TCERG1L: variants seen among roughly 807,000 people sequenced by gnomAD.
TCERG1L encodes the protein transcription elongation regulator 1-like protein.
In TCERG1L, 37 loss-of-function variants were observed where a neutral mutation model predicts 56.3. That is an observed-to-expected ratio of 0.66 (90% confidence interval 0.51 to 0.87). The LOEUF (loss-of-function observed/expected upper bound fraction) is 0.87, where lower values mean the gene tolerates loss of function less well. Among genes scored for constraint, TCERG1L ranks in the 40% least tolerant of loss-of-function variants. TCERG1L has a pLI of 0.00. For synonymous variants in TCERG1L, 324 were observed against 326.3 expected (o/e 0.99, Z 0.08); for missense variants, 799 against 774.2 (o/e 1.03, Z -0.38).
At chr10:131,272,072 G>A (rs1330349697) in intron 3 of TCERG1L, among the ~76,000 whole-genome samples, 5 of 152,136 alleles carry the variant, frequency 3.3e-5, no homozygotes, top group African/African-American at 1.2e-4. Flanking sequence ...GCAGGCACAC[G>A]GGGCTCTGAC....
chr10:131,130,641 T>A (rs1386771518), intron 8 of TCERG1L, among the ~76,000 whole-genome samples: 1 of 152,216 alleles, frequency 6.6e-6, no homozygotes, highest in Non-Finnish European at 1.5e-5. Context: ...TCATTTCTCA[T>A]AATACAGAAC....
At chr10:131,301,166 T>C (rs1243345001) in intron 3 of TCERG1L, among the ~76,000 whole-genome samples, 3 of 151,994 alleles carry the variant, frequency 2.0e-5, no homozygotes, top group African/African-American at 7.3e-5. Context: ...TGGGAAGAAA[T>C]CCTTGTCAAT....
chr10:131,139,568 T>C (rs1486518926), intron 7 of TCERG1L, among the ~76,000 whole-genome samples: 1 of 152,204 alleles, frequency 6.6e-6, no homozygotes, highest in Admixed American at 6.5e-5. Context: ...AACATGTTTG[T>C]GCAGCAGCAT....
At chr10:131,218,118 G>C (rs78234143) in intron 4 of TCERG1L, among the ~76,000 whole-genome samples, 4 of 152,158 alleles carry the variant, frequency 2.6e-5, no homozygotes, top group Non-Finnish European at 2.9e-5. Flanking sequence ...GTTGGACACA[G>C]CCCATTTTTT....
rs1845297726 is a variant in TCERG1L, at chr10:131,191,253, C to T, written c.857-24368G>A. ...TAGATGACTCAAACTAATGAAAACA[C>T]ATCCCATGCTCATGGATTGGAAGAA... is the stretch of plus-strand genomic sequence containing the variant. On this transcript the variant is annotated intron_variant, in intron 4 of 11. Coordinates refer to ENST00000368642, the MANE Select transcript of TCERG1L (RefSeq NM_174937.4). 1.4e-5 allele frequency among the ~76,000 whole-genome samples: 2 copies of T among 144,190 alleles called. 1 individual carries two copies. Among genetic ancestry groups the T allele is most frequent in the African/African-American group, 5.2e-5 (2 of 38,282 alleles). 94.6% of individuals were successfully genotyped at this position (144,190 alleles called of 152,430 possible). A position where few individuals can be genotyped will look rare whatever the true frequency, so the allele number is the denominator to read the frequency against.
At chr10:131,135,405 G>A (rs1009341700) in intron 7 of TCERG1L, among the ~76,000 whole-genome samples, 1 of 152,198 alleles carries the variant, frequency 6.6e-6, no homozygotes, top group African/African-American at 2.4e-5. Flanking sequence ...TGAGCCCAGA[G>A]TTGATGAGAA....
Position 131,291,046 on chromosome 10 carries a change from C to G in TCERG1L, c.670+17165G>C, listed in dbSNP as rs562141388. On this transcript the variant is annotated intron_variant, in intron 3 of 11. Transcript: ENST00000368642. ...GAGGCAATGTGTTCTGATATCTGTG[C>G]TAATTTAAGGAGAACATTCCACTTG... Among the ~76,000 whole-genome samples, 243 of 152,268 alleles carry G rather than the reference C, an allele frequency of 1.6e-3. 9 individuals carry two copies. The South Asian group carries it at 0.047, about 29-fold the overall frequency.
chr10:131,174,395 G>A (rs1414507993), intron 4 of TCERG1L, among the ~76,000 whole-genome samples: 2 of 152,166 alleles, frequency 1.3e-5, no homozygotes, highest in Non-Finnish European at 2.9e-5. Flanking sequence ...GCCCTGCTCA[G>A]TAGGCCAGGA....
intron 6 of TCERG1L, among the ~76,000 whole-genome samples, chr10:131,153,005 GATTACA>G (rs1845882018): frequency 6.6e-6 from 1 of 152,158 alleles, no homozygotes; most frequent in Non-Finnish European, 1.5e-5. Flanking sequence ...GGATTATGGG[GATTACA>G]ATTCGAGGTA....
At chr10:131,120,619 C>T (rs1478875335) in intron 8 of TCERG1L, among the ~76,000 whole-genome samples, 1 of 152,248 alleles carries the variant, frequency 6.6e-6, no homozygotes, top group Admixed American at 6.5e-5. Context: ...CCCTCATAGG[C>T]TGACACCCAG....
chr10:131,251,578 G>C (rs990275504), intron 4 of TCERG1L, among the ~76,000 whole-genome samples: 4 of 152,096 alleles, frequency 2.6e-5, no homozygotes, highest in African/African-American at 9.7e-5. Context: ...ATATCCGGTC[G>C]CTGGAAAGGC....
chr10:131,108,384 G>T (rs1361431262), intron 9 of TCERG1L, among the ~76,000 whole-genome samples: 8 of 151,992 alleles, frequency 5.3e-5, no homozygotes, highest in Admixed American at 5.2e-4. Context: ...GGTCCTGGGG[G>T]ACTGGTTCAC....
chr10:131,285,639 G>A (rs77688745), intron 3 of TCERG1L, among the ~76,000 whole-genome samples: 7,900 of 146,076 alleles, frequency 0.054, 190 homozygotes, highest in African/African-American at 0.079. Flanking sequence ...GACGCTAAAC[G>A]CTGTAATAGA....
At chr10:131,225,039 T>C (rs1329885689) in intron 4 of TCERG1L, among the ~76,000 whole-genome samples, 1 of 152,126 alleles carries the variant, frequency 6.6e-6, no homozygotes, top group Non-Finnish European at 1.5e-5. Flanking sequence ...CGTGGATGTG[T>C]TGACTGAGAA....
intron 3 of TCERG1L, among the ~76,000 whole-genome samples, chr10:131,284,394 A>G (rs74833339): frequency 0.074 from 11,234 of 152,116 alleles, 516 homozygotes; most frequent in African/African-American, 0.11. Flanking sequence ...AAAATTTACA[A>G]AAAGCAGTGA....
At chr10:131,190,192 T>G (rs2133461529) in intron 4 of TCERG1L, among the ~76,000 whole-genome samples, 1 of 152,278 alleles carries the variant, frequency 6.6e-6, no homozygotes, top group South Asian at 2.1e-4. Context: ...GACAAATTTC[T>G]GGAAACATAC....
intron 4 of TCERG1L, among the ~76,000 whole-genome samples, chr10:131,255,559 A>G (rs1174103733): frequency 1.3e-5 from 2 of 152,216 alleles, no homozygotes; most frequent in African/African-American, 4.8e-5. Flanking sequence ...CTGGGTGTCT[A>G]TTGTATTAGT....
intron 7 of TCERG1L, among the ~76,000 whole-genome samples, chr10:131,140,849 G>A (rs1456035174): frequency 6.6e-6 from 1 of 152,204 alleles, no homozygotes; most frequent in East Asian, 1.9e-4. Context: ...TGCCAGGAGA[G>A]GTGGTGGAGG....
intron 7 of TCERG1L, among the ~76,000 whole-genome samples, chr10:131,135,607 A>C (rs1288451055): frequency 6.6e-6 from 1 of 152,176 alleles, no homozygotes; most frequent in Non-Finnish European, 1.5e-5. Flanking sequence ...CAGGCTCTGG[A>C]AGCCCCGGCT....
Sources: gnomAD v4.1 joint callset for allele counts (sites outside exome capture counted in the v4.1 genomes callset) on GRCh38, gnomAD v4.1.1 for gene constraint, MANE v1.5 for transcripts, NCBI Gene and HGNC (gene_info 2026-07-23, HGNC 2026-07-21) for gene names.